The following HSPA14 variants were observed in gnomAD, a reference collection of about 807,000 sequenced individuals.
HSPA14 encodes heat shock protein family A (Hsp70) member 14.
In HSPA14, 37 loss-of-function variants were observed where a neutral mutation model predicts 65.5. The ratio of observed to expected loss-of-function variants is 0.56; its 90% confidence interval spans 0.43 to 0.74. The LOEUF is 0.74. Among genes scored for constraint, HSPA14 ranks in the 30% least tolerant of loss-of-function variants. The pLI is 0.00. For missense variants in HSPA14, 564 were observed against 607.6 expected, an observed-to-expected ratio of 0.93 and a Z score of 0.75; for synonymous variants, 203 against 214.2, an observed-to-expected ratio of 0.95 and a Z score of 0.46.
intron 3 of HSPA14, chr10:14,843,459 A>G (rs1156460280): frequency 6.4e-7 from 1 of 1,550,628 alleles, no homozygotes; most frequent in Non-Finnish European, 8.7e-7. Context: ...CCATGGCCAG[A>G]CTGGGTGTGT....
intron 10 of HSPA14, among the ~76,000 whole-genome samples, chr10:14,863,383 A>G (rs1832773829): frequency 2.0e-5 from 3 of 152,160 alleles, no homozygotes. Context: ...GCTCCAACTC[A>G]TCCTCTCATC....
In HSPA14 at chr10:14,851,213, TC is replaced by T; in HGVS notation, c.468-5del. Reference sequence around the variant, plus strand: ...ATTAAATTCATTGAAAGCAAATTGTTCACAGAGAAGCAGCTAGAGCTGCTGG... The same window carrying T: ...ATTAAATTCATTGAAAGCAAATTGTTACAGAGAAGCAGCTAGAGCTGCTGG... On this transcript the variant is annotated splice_polypyrimidine_tract_variant and splice_region_variant and intron_variant, in intron 6 of 13. Transcript: ENST00000378372. 6.6e-7 allele frequency: 1 copy of T among 1,518,052 alleles called. No homozygotes were observed. The highest frequency in any genetic ancestry group is 9.1e-7 in the Non-Finnish European group (1 of 1,104,864). The allele number at this position is 1,518,052 out of a possible 1,614,324, so 94.0% of individuals were successfully genotyped here. A position where few individuals can be genotyped will look rare whatever the true frequency, so the allele number is the denominator to read the frequency against.
At chr10:14,867,008 C>T in intron 10 of HSPA14, 75 bp from the exon 11 acceptor site, 1 of 988,992 alleles carries the variant, frequency 1.0e-6, no homozygotes. Flanking sequence ...GAAGATGACT[C>T]AGTCTATTAC....
intron 10 of HSPA14, among the ~76,000 whole-genome samples, chr10:14,857,954 A>C (rs1056232257): frequency 4.6e-5 from 7 of 151,804 alleles, no homozygotes; most frequent in African/African-American, 1.7e-4. Flanking sequence ...AGGTGTTTGA[A>C]GGCTGGGAGG....
At chr10:14,839,781 G>T (rs1031062924) in intron 1 of HSPA14, 124 bp from the exon 2 acceptor site, 2 of 542,424 alleles carry the variant, frequency 3.7e-6, no homozygotes, top group Non-Finnish European at 6.6e-6. Flanking sequence ...AATTAAATTT[G>T]CAAGTTTAAA....
intron 13 of HSPA14, among the ~76,000 whole-genome samples, chr10:14,871,295 C>T (rs1832852584): frequency 6.6e-6 from 1 of 152,092 alleles, no homozygotes; most frequent in Non-Finnish European, 1.5e-5. Flanking sequence ...AGAAATACAA[C>T]CATGATCTTA....
At chr10:14,867,003 T>C in intron 10 of HSPA14, 80 bp from the exon 11 acceptor site, 1 of 947,044 alleles carries the variant, frequency 1.1e-6, no homozygotes, top group Non-Finnish European at 1.7e-6. Context: ...ACGATGAAGA[T>C]GACTCAGTCT....
chr10:14,840,643 C>T lies in HSPA14; in HGVS notation c.221+486C>T, dbSNP rs184645684. Reference sequence around the variant, plus strand: ...ATCATTAGAGTAACAGCTAAATTAACGTCTTATGTAAGAATCAGATTAATC... The same window carrying T: ...ATCATTAGAGTAACAGCTAAATTAATGTCTTATGTAAGAATCAGATTAATC... On this transcript the variant is annotated intron_variant, in intron 3 of 13. Transcript: ENST00000378372. Among the ~76,000 whole-genome samples the T allele has an allele frequency of 2.8e-3, 422 of 152,276 alleles. 1 individual carries two copies. Among genetic ancestry groups the T allele is most frequent in the African/African-American group, 9.6e-3 (400 of 41,564 alleles).
At chr10:14,840,397 G>A (rs539426054) in intron 3 of HSPA14, among the ~76,000 whole-genome samples, 10 of 152,224 alleles carry the variant, frequency 6.6e-5, no homozygotes, top group Admixed American at 2.6e-4. Context: ...GGTAATTTGC[G>A]TCAGAGGTGG....
intron 10 of HSPA14, among the ~76,000 whole-genome samples, chr10:14,860,203 T>G (rs1343134751): frequency 6.6e-6 from 1 of 152,240 alleles, no homozygotes; most frequent in East Asian, 1.9e-4. Context: ...TTTGGATTAC[T>G]GATTTTTAAT....
intron 10 of HSPA14, 92 bp downstream of exon 10, chr10:14,856,035 T>A (rs1191801616): frequency 2.8e-6 from 2 of 720,584 alleles, no homozygotes; most frequent in African/African-American, 3.6e-5. Context: ...AATATTTTAA[T>A]GCATTTAAGA....
rs748438676 is a variant in HSPA14 at position 14,867,118 on chromosome 10, G to C, written c.1029G>C (p.Lys343Asn). The C allele has an allele frequency of 8.7e-6, 14 of 1,613,686 alleles. No homozygotes were observed. In the South Asian group the frequency reaches 1.4e-4, roughly 16 times the overall value. The change falls in exon 11 of 14, where the codon AAG (lysine) becomes AAC (asparagine). Residue 343 changes from lysine to asparagine, a missense_variant. By Grantham distance (94) the Lys-to-Asn change is moderately conservative. Coordinates refer to ENST00000378372, the MANE Select transcript of HSPA14 (RefSeq NM_016299.4). ...GTGGAGGGTCTTCTCGAATCCCAAA[G>C]CTACAGCAACTGATTAAAGATCTTT... ...VLCGGSSRIP[K>N]LQQLIKDLFP...
At chr10:14,845,425 G>T in intron 3 of HSPA14, 1 of 985,332 alleles carries the variant, frequency 1.0e-6, no homozygotes, top group East Asian at 1.1e-4. Context: ...AGCAGTGGGA[G>T]CGTACCCAGA....
intron 10 of HSPA14, among the ~76,000 whole-genome samples, chr10:14,865,510 G>A (rs564707246): frequency 4.6e-5 from 7 of 152,248 alleles, no homozygotes; most frequent in African/African-American, 1.4e-4. Context: ...TAAGGTGTAA[G>A]GAAGAGATCC....
intron 10 of HSPA14, among the ~76,000 whole-genome samples, chr10:14,865,350 G>T (rs1328191437): frequency 1.3e-5 from 2 of 151,168 alleles, no homozygotes; most frequent in Admixed American, 6.6e-5. Context: ...GTCAATTTTG[G>T]CTTTTGTTGC....
At position 14,850,848 on chromosome 10, in the gene HSPA14, G is replaced by A. The variant is rs113387425; in HGVS notation, c.468-371G>A. ...AAATGTGGCAAGTACTTTGAATGGG[G>A]AAGTTCTGGATAGCATGAAGACAGG... On this transcript the variant is annotated intron_variant, in intron 6 of 13. Transcript: ENST00000378372. 5.6e-3 allele frequency: 893 copies of A among 158,144 alleles called. 12 individuals carry two copies. Among genetic ancestry groups the A allele is most frequent in the African/African-American group, 0.02 (821 of 41,720 alleles). 9.8% of individuals were successfully genotyped at this position (158,144 alleles called of 1,614,324 possible).
chr10:14,848,701 T>C (rs1229133807), intron 4 of HSPA14, 44 bp downstream of exon 4: 3 of 1,506,030 alleles, frequency 2.0e-6, no homozygotes, highest in African/African-American at 2.8e-5. Context: ...ATAGAGTAAT[T>C]ACCAAGGTGA....
At chr10:14,845,096 G>T in intron 3 of HSPA14, 2 of 985,436 alleles carry the variant, frequency 2.0e-6, no homozygotes, top group Non-Finnish European at 2.4e-6. Context: ...TTAAGCACTA[G>T]CCGTGAACAG....
At chr10:14,856,731 C>T (rs1455854860) in intron 10 of HSPA14, among the ~76,000 whole-genome samples, 2 of 151,920 alleles carry the variant, frequency 1.3e-5, no homozygotes, top group South Asian at 2.1e-4. Context: ...TGATGATGTG[C>T]GTCTGTGGTC....
Sources: gnomAD v4.1 joint callset for allele counts (sites outside exome capture counted in the v4.1 genomes callset) on GRCh38, gnomAD v4.1.1 for gene constraint, MANE v1.5 for transcripts, NCBI Gene and HGNC (gene_info 2026-07-23, HGNC 2026-07-21) for gene names.